The following HAUS7 variants were observed in gnomAD, a reference collection of about 807,000 sequenced individuals.
HAUS7 encodes HAUS augmin like complex subunit 7.
A neutral mutation model predicts 28.4 loss-of-function variants in HAUS7; 3 were observed. The observed-to-expected ratio is 0.11, with a 90% CI of 0.05 to 0.27. HAUS7 has a LOEUF of 0.27. HAUS7 is among the 10% of genes least tolerant of loss of function. The pLI is 1.00. For missense variants in HAUS7, 284 were observed against 297.3 expected (o/e 0.96, Z 0.33); for synonymous variants, 165 against 132.1 (o/e 1.25, Z -1.71).
chrX:153,466,186 G>C (rs927585188), intron 2 of HAUS7, among the ~76,000 whole-genome samples: 2 of 112,854 alleles, frequency 1.8e-5, no homozygotes, highest in Non-Finnish European at 3.8e-5. Context: ...GGGAAGGAAG[G>C]GGGAGGCCAG....
At chrX:153,468,198 C>T (rs2089477244) in intron 2 of HAUS7, among the ~76,000 whole-genome samples, 2 of 112,378 alleles carry the variant, frequency 1.8e-5, no homozygotes, top group African/African-American at 6.5e-5. Context: ...TGTCTCTGGT[C>T]CTGGCGGGCC....
At chrX:153,484,900 G>A (rs1158319010) in intron 1 of HAUS7, among the ~76,000 whole-genome samples, 6 of 112,816 alleles carry the variant, frequency 5.3e-5, no homozygotes, top group African/African-American at 9.7e-5. Context: ...GGAGGGGACC[G>A]AGAGGCACAG....
At chrX:153,487,638 C>T (rs1209171336) in intron 1 of HAUS7, among the ~76,000 whole-genome samples, 1 of 112,756 alleles carries the variant, frequency 8.9e-6, no homozygotes, top group Admixed American at 9.3e-5. Flanking sequence ...CCCTATCTGA[C>T]CTGGTGCCAG....
intron 1 of HAUS7, among the ~76,000 whole-genome samples, chrX:153,477,535 C>T (rs12839411): frequency 0.077 from 8,677 of 112,584 alleles, 592 homozygotes; most frequent in East Asian, 0.47. Flanking sequence ...AATGGGGGGT[C>T]GACTGTGCTC....
intron 4 of HAUS7, among the ~76,000 whole-genome samples, chrX:153,459,987 G>A (rs1181847191): frequency 4.5e-5 from 5 of 112,345 alleles, no homozygotes; most frequent in African/African-American, 1.6e-4. Flanking sequence ...GACTACAAGG[G>A]TTGACCCTAC....
chrX:153,469,304 T>C (rs2089491557), intron 1 of HAUS7, 43 bp from the exon 2 acceptor site: 1 of 583,579 alleles, frequency 1.7e-6, no homozygotes, highest in East Asian at 3.4e-5. Flanking sequence ...AAAGTCCCAG[T>C]GTACATCATT....
In HAUS7 at chrX:153,492,943, G is replaced by A. The variant is rs143186886; in HGVS notation, c.-589+2431C>T. Among the ~76,000 whole-genome samples the A allele has an allele frequency of 2.8e-3, 309 of 112,012 alleles. 1 individual carries two copies. Among genetic ancestry groups the A allele is most frequent in the African/African-American group, 9.4e-3 (291 of 30,823 alleles). ...CTCCTGGGTTCTCAGTCCCCAAGCA[G>A]TGCAGGAAGGTACTGGGTACCAGCA... On this transcript the variant is annotated intron_variant, in intron 1 of 5. Coordinates refer to the HAUS7 transcript ENST00000370210.
chrX:153,460,603 A>G (rs992189228), intron 4 of HAUS7, among the ~76,000 whole-genome samples: 1 of 110,913 alleles, frequency 9.0e-6, no homozygotes, highest in African/African-American at 3.3e-5. Context: ...AGGGCCTGTT[A>G]GGAAATTGTT....
upstream of HAUS7, among the ~76,000 whole-genome samples, chrX:153,473,947 G>A (rs1256444071): frequency 1.8e-5 from 2 of 112,415 alleles, no homozygotes; most frequent in African/African-American, 3.2e-5. Flanking sequence ...GGCAGCCCAC[G>A]CCATCTGCAC....
upstream of HAUS7, among the ~76,000 whole-genome samples, chrX:153,474,183 T>C (rs1298513981): frequency 8.9e-6 from 1 of 112,200 alleles, no homozygotes; most frequent in Non-Finnish European, 1.9e-5. Context: ...TCCGTGTTCA[T>C]CTTTGGAGTC....
At chrX:153,479,639 C>G (rs1556986901) in intron 1 of HAUS7, among the ~76,000 whole-genome samples, 3 of 112,287 alleles carry the variant, frequency 2.7e-5, no homozygotes. Context: ...CCTCCTGAGA[C>G]AGGAAGAATC....
chrX:153,457,023 G>A (rs2089322065), intron 5 of HAUS7, 114 bp downstream of exon 5: 4 of 539,499 alleles, frequency 7.4e-6, no homozygotes, highest in Non-Finnish European at 1.3e-5. Flanking sequence ...CAAGTGGGGT[G>A]TCACACCCCA....
chrX:153,468,165 T>C (rs2089476876), intron 2 of HAUS7, among the ~76,000 whole-genome samples: 1 of 112,381 alleles, frequency 8.9e-6, no homozygotes, highest in Non-Finnish European at 1.9e-5. Context: ...TGGGGGCCTG[T>C]ATCCAGCTGG....
At chrX:153,448,164 C>A (rs1384304115) in intron 9 of HAUS7, among the ~76,000 whole-genome samples, 8 of 110,503 alleles carry the variant, frequency 7.2e-5, no homozygotes, top group Non-Finnish European at 1.5e-4. Flanking sequence ...CACTGATAGA[C>A]TGGATTAAGA....
At chrX:153,460,293 G>C (rs782292692) in intron 4 of HAUS7, among the ~76,000 whole-genome samples, 6 of 111,844 alleles carry the variant, frequency 5.4e-5, no homozygotes, top group Non-Finnish European at 1.1e-4. Flanking sequence ...AGGGTCTTTT[G>C]GGGGTGATGA....
chrX:153,469,085 G>A, intron 2 of HAUS7, 61 bp downstream of exon 2: 4 of 633,539 alleles, frequency 6.3e-6, no homozygotes, highest in Non-Finnish European at 1.1e-5. Flanking sequence ...TCTTCCCCAG[G>A]TGGGGCTGGC....
upstream of HAUS7, among the ~76,000 whole-genome samples, chrX:153,473,976 A>T (rs2089545786): frequency 8.9e-6 from 1 of 112,347 alleles, no homozygotes; most frequent in Admixed American, 9.4e-5. Flanking sequence ...AGCCCACCCG[A>T]AACCCAGCCC....
In HAUS7 at chrX:153,454,426, C is replaced by G; in HGVS notation, c.1013G>C (p.Cys338Ser). The G allele has an allele frequency of 8.4e-7, 1 of 1,194,468 alleles. No homozygotes were observed. The highest frequency in any genetic ancestry group is 1.8e-5 in the African/African-American group (1 of 56,780). Residue 338 changes from cysteine (C) to serine (S), a missense_variant, in exon 9 of 10, where the codon TGC (cysteine) becomes TCC (serine). Transcript: ENST00000370211. ...CATGACGGAGCTGCTGCCACCCCAG[C>G]AGATCTGCTCGCCTTGCTGCTTCTT... ...TVKKQQGEQI[C>S]WGGSSSVMSL...
At chrX:153,466,508 C>T (rs2089456614) in intron 2 of HAUS7, among the ~76,000 whole-genome samples, 1 of 112,172 alleles carries the variant, frequency 8.9e-6, no homozygotes, top group Admixed American at 9.4e-5. Flanking sequence ...ACACCAAGGA[C>T]CAACACTAGG....
Sources: gnomAD v4.1 joint callset for allele counts (sites outside exome capture counted in the v4.1 genomes callset) on GRCh38, gnomAD v4.1.1 for gene constraint, MANE v1.5 for transcripts, NCBI Gene and HGNC (gene_info 2026-07-23, HGNC 2026-07-21) for gene names.